ONECUT2: variants seen among roughly 807,000 people sequenced by gnomAD.
ONECUT2 encodes the protein one cut homeobox 2.
Under a neutral mutation model 27.9 loss-of-function variants are expected in ONECUT2, and 10 were observed. The ratio of observed to expected loss-of-function variants is 0.36; its 90% CI spans 0.22 to 0.61. ONECUT2 has a LOEUF of 0.61. Among genes scored for constraint, ONECUT2 ranks in the 20% least tolerant of loss-of-function variants. The pLI is 0.73. For synonymous variants in ONECUT2, 334 were observed against 315.1 expected, an observed-to-expected ratio of 1.06 and a Z score of -0.64; for missense variants, 686 against 721.0, an observed-to-expected ratio of 0.95 and a Z score of 0.56.
At chr18:57,442,240 C>A (rs1451472444) in intron 1 of ONECUT2, among the ~76,000 whole-genome samples, 1 of 123,296 alleles carries the variant, frequency 8.1e-6, no homozygotes, top group African/African-American at 3.8e-5. Flanking sequence ...ACTAATTCTT[C>A]TGGGTTTTTT....
intron 1 of ONECUT2, among the ~76,000 whole-genome samples, chr18:57,450,542 A>G (rs2050224433): frequency 6.6e-6 from 1 of 152,250 alleles, no homozygotes. Flanking sequence ...ATAATTTAAA[A>G]TGGATTTCTA....
rs1449358331 is a variant in ONECUT2 at position 57,476,520 on chromosome 18, C to T, written c.1312C>T (p.Arg438Cys). Residue 438 changes from arginine to cysteine, a missense_variant, in exon 2 of 2, where the codon CGC (arginine) becomes TGC (cysteine). Around this residue, in one of 4 missense-constraint regions of ONECUT2, gnomAD observed 77 missense variants for 105.5 expected, o/e 0.73. Coordinates refer to ENST00000491143, the MANE Select transcript of ONECUT2 (RefSeq NM_004852.3). Reference sequence around the variant, plus strand: ...CCGCCTGGTGTTCACTGACCTCCAACGCCGAACACTCTTCGCCATCTTCAA... The same window carrying T: ...CCGCCTGGTGTTCACTGACCTCCAATGCCGAACACTCTTCGCCATCTTCAA... ...KSRLVFTDLQ[R>C]RTLFAIFKEN... The T allele has an allele frequency of 6.2e-6, 10 of 1,614,104 alleles. No individual in the cohort carries two copies. The highest frequency in any genetic ancestry group is 5.0e-5 in the Admixed American group (3 of 60,006).
At position 57,476,871 on chromosome 18, in the gene ONECUT2, C is replaced by A; in HGVS notation, c.*148C>A. 1 of 906,248 alleles carries A rather than the reference C, an allele frequency of 1.1e-6. No homozygotes were observed. The highest frequency in any genetic ancestry group is 1.6e-6 in the Non-Finnish European group (1 of 613,224). The allele number at this position is 906,248 out of a possible 1,614,324, so 56.1% of individuals were successfully genotyped here. A position where few individuals can be genotyped will look rare whatever the true frequency, so the allele number is the denominator to read the frequency against. ...ATTCTCTTGCAAAGAAACTTATATT[C>A]TAGCTGTAATCATAGGCCAGGTGTT... On this transcript the variant is annotated 3_prime_UTR_variant, in exon 2 of 2. Coordinates refer to ENST00000491143, the MANE Select transcript of ONECUT2 (RefSeq NM_004852.3).
chr18:57,455,532 G>A (rs2050254443), intron 1 of ONECUT2, among the ~76,000 whole-genome samples: 1 of 152,112 alleles, frequency 6.6e-6, no homozygotes, highest in Non-Finnish European at 1.5e-5. Context: ...AATTCACTTG[G>A]TGATTCATTA....
At chr18:57,466,015 C>A (rs2050319288) in intron 1 of ONECUT2, among the ~76,000 whole-genome samples, 1 of 152,234 alleles carries the variant, frequency 6.6e-6, no homozygotes, top group Non-Finnish European at 1.5e-5. Context: ...CCTGTGCTCA[C>A]CCTGAGTGCT....
At position 57,485,951 on chromosome 18, in the gene ONECUT2, C is replaced by T. The variant is rs531127672; in HGVS notation, c.*9228C>T. The T allele has an allele frequency of 6.6e-6, 1 of 152,386 alleles. No individual in the cohort carries two copies. The highest frequency in any genetic ancestry group is 1.5e-5 in the Non-Finnish European group (1 of 68,028). The allele number at this position is 152,386 out of a possible 1,614,324, so 9.4% of individuals were successfully genotyped here. ...ATTGCTTTGGTTTTCTTCCTAAATTCCTATTGGAATTAGAACTCTCAGAAT... is the reference window on the plus strand; with the variant it reads ...ATTGCTTTGGTTTTCTTCCTAAATTTCTATTGGAATTAGAACTCTCAGAAT... On this transcript the variant is annotated 3_prime_UTR_variant, in exon 2 of 2. Transcript: ENST00000491143.
chr18:57,486,910 T>A lies in ONECUT2; in HGVS notation c.*10187T>A, dbSNP rs994051371. 1 of 152,676 alleles carries A rather than the reference T, an allele frequency of 6.5e-6. No homozygotes were observed. Among genetic ancestry groups the A allele is most frequent in the Non-Finnish European group, 1.5e-5 (1 of 68,042 alleles). 9.5% of individuals were successfully genotyped at this position (152,676 alleles called of 1,614,324 possible). On this transcript the variant is annotated 3_prime_UTR_variant, in exon 2 of 2. Transcript: ENST00000491143. ...ATTATGATTAGCAACTGCCAATCAG[T>A]GCTATAATTTTATGCATGAGGCTAA...
chr18:57,443,792 A>G (rs905591972), intron 1 of ONECUT2, among the ~76,000 whole-genome samples: 8 of 152,148 alleles, frequency 5.3e-5, no homozygotes, highest in African/African-American at 1.9e-4. Flanking sequence ...GAAGCTGTGG[A>G]CGTTTATTAT....
intron 1 of ONECUT2, among the ~76,000 whole-genome samples, chr18:57,443,630 G>C (rs1199916363): frequency 6.6e-6 from 1 of 152,168 alleles, no homozygotes; most frequent in Non-Finnish European, 1.5e-5. Flanking sequence ...AATGTGCATA[G>C]GTTTTTCTAG....
Position 57,452,088 on chromosome 18 carries a change from G to A in ONECUT2, c.1228+15144G>A, listed in dbSNP as rs1209031784. 2.6e-5 allele frequency among the ~76,000 whole-genome samples: 4 copies of A among 152,244 alleles called. No homozygotes were observed. In the East Asian group the frequency reaches 7.7e-4, roughly 29 times the overall value. ...ACATCAAGGATGTCCAATAGTATAGGGCTAATTTTGGCAACACAGAAGATA... is the reference window on the plus strand; with the variant it reads ...ACATCAAGGATGTCCAATAGTATAGAGCTAATTTTGGCAACACAGAAGATA... On this transcript the variant is annotated intron_variant, in intron 1 of 1. Coordinates refer to ENST00000491143, the MANE Select transcript of ONECUT2 (RefSeq NM_004852.3).
At chr18:57,465,500 T>TA (rs2050316666) in intron 1 of ONECUT2, among the ~76,000 whole-genome samples, 1 of 152,244 alleles carries the variant, frequency 6.6e-6, no homozygotes, top group African/African-American at 2.4e-5. Flanking sequence ...TACATATGGT[T>TA]ACTTACAAAT....
At chr18:57,467,183 C>T (rs1197170038) in intron 1 of ONECUT2, 1 of 456,406 alleles carries the variant, frequency 2.2e-6, no homozygotes, top group African/African-American at 2.0e-5. Flanking sequence ...AGCTTGGGAA[C>T]ACAGAATGGT....
rs1420053043 is a variant in ONECUT2, at chr18:57,482,432, C to CT, written c.*5710dup. On this transcript the variant is annotated 3_prime_UTR_variant, in exon 2 of 2. Transcript: ENST00000491143. The stretch of plus-strand genomic sequence containing the variant: ...ATTATTCTCACACACCAAAATGACT[C>CT]TGACAGCCTGAAGCAGTTATTGCTA... The CT allele has an allele frequency of 6.6e-6, 1 of 152,224 alleles. No individual in the cohort carries two copies. Among genetic ancestry groups the CT allele is most frequent in the East Asian group, 1.9e-4 (1 of 5,202 alleles). 9.4% of individuals were successfully genotyped at this position (152,224 alleles called of 1,614,324 possible).
intron 1 of ONECUT2, among the ~76,000 whole-genome samples, chr18:57,470,258 A>T (rs1333212457): frequency 6.6e-6 from 1 of 152,116 alleles, no homozygotes; most frequent in African/African-American, 2.4e-5. Flanking sequence ...GGGGAGTTCC[A>T]GTTCTGGGGC....
In ONECUT2 at chr18:57,435,389, A is replaced by C. The variant is rs2050131572; in HGVS notation, c.-328A>C. Among the ~76,000 whole-genome samples, 1 of 151,556 alleles carries C rather than the reference A, an allele frequency of 6.6e-6. No individual in the cohort carries two copies. Among genetic ancestry groups the C allele is most frequent in the Non-Finnish European group, 1.5e-5 (1 of 67,890 alleles). ...GGCGAGCGGCAGAGCCCTTCTGGAC[A>C]GCTCCCGCTCACCCAAACAGAAGAC... On this transcript the variant is annotated 5_prime_UTR_variant, in exon 1 of 2. Transcript: ENST00000491143.
chr18:57,451,512 C>T (rs1206265895), intron 1 of ONECUT2, among the ~76,000 whole-genome samples: 1 of 152,184 alleles, frequency 6.6e-6, no homozygotes, highest in Non-Finnish European at 1.5e-5. Flanking sequence ...ACATGGGTGT[C>T]ACCAAAGGCT....
chr18:57,435,820 C>T lies in ONECUT2; in HGVS notation c.104C>T (p.Pro35Leu), dbSNP rs771196287. The T allele has an allele frequency of 1.3e-4, 145 of 1,109,996 alleles. No individual in the cohort carries two copies. Among genetic ancestry groups the T allele is most frequent in the South Asian group, 8.0e-5 (3 of 37,648 alleles). 68.8% of individuals were successfully genotyped at this position (1,109,996 alleles called of 1,614,324 possible). The change falls in exon 1 of 2, where the codon CCG becomes CTG. Residue 35 changes from proline to leucine, a missense_variant. This residue lies in a region of ONECUT2 where 511 missense variants were observed against 488.1 expected (regional missense o/e 1.05). Coordinates refer to ENST00000491143, the MANE Select transcript of ONECUT2 (RefSeq NM_004852.3). ...GAAAGTCTGGGCACTTTGCACGGGC[C>T]GGCCGGCGGCGGCAGTGGCGGGGGC... The part of the protein sequence containing the change: ...TMESLGTLHG[P>L]AGGGSGGGGG...
chr18:57,441,647 G>A (rs1014729996), intron 1 of ONECUT2, among the ~76,000 whole-genome samples: 1 of 152,276 alleles, frequency 6.6e-6, no homozygotes, highest in African/African-American at 2.4e-5. Flanking sequence ...CCTGTGCTTG[G>A]CCGTTGCCAC....
At chr18:57,456,280 G>A (rs1048953312) in intron 1 of ONECUT2, among the ~76,000 whole-genome samples, 1 of 151,930 alleles carries the variant, frequency 6.6e-6, no homozygotes, top group African/African-American at 2.4e-5. Flanking sequence ...AGAGATATTT[G>A]TACACCCGTG....
Sources: gnomAD v4.1 joint callset for allele counts (sites outside exome capture counted in the v4.1 genomes callset) on GRCh38, gnomAD v4.1.1 for gene constraint, gnomAD v4.1.1 regional missense constraint, MANE v1.5 for transcripts, NCBI Gene and HGNC (gene_info 2026-07-23, HGNC 2026-07-21) for gene names.